CPNE8: variants seen among roughly 807,000 people sequenced by gnomAD.
The protein encoded by CPNE8 is copine 8, also known as copine-8.
CPNE8 carries 45 observed loss-of-function variants against 81.5 expected under a neutral mutation model. That is an observed-to-expected ratio of 0.55 (90% CI 0.44 to 0.71). The LOEUF is 0.71. Ranked by LOEUF, CPNE8 falls within the 30% of genes least tolerant of loss-of-function variation. CPNE8 has a pLI of 0.00. For synonymous variants in CPNE8, 252 were observed against 226.3 expected (o/e 1.11, Z -1.02); for missense variants, 594 against 672.1 (o/e 0.88, Z 1.28).
intron 10 of CPNE8, among the ~76,000 whole-genome samples, chr12:38,742,100 G>A (rs2136796950): frequency 6.6e-6 from 1 of 152,282 alleles, no homozygotes; most frequent in East Asian, 1.9e-4. Flanking sequence ...TCCAACCATT[G>A]TGGAAATCAG....
At chr12:38,769,847 A>G (rs1941765422) in intron 7 of CPNE8, among the ~76,000 whole-genome samples, 1 of 152,212 alleles carries the variant, frequency 6.6e-6, no homozygotes, top group African/African-American at 2.4e-5. Flanking sequence ...GGCTTGCAAA[A>G]TGAATAACTG....
intron 6 of CPNE8, among the ~76,000 whole-genome samples, chr12:38,828,490 A>C (rs915230219): frequency 1.3e-5 from 2 of 152,176 alleles, no homozygotes; most frequent in Non-Finnish European, 1.5e-5. Flanking sequence ...ATAGCAATGA[A>C]CACACTAAAT....
At chr12:38,667,050 C>A (rs1317100822) in intron 19 of CPNE8, among the ~76,000 whole-genome samples, 1 of 152,066 alleles carries the variant, frequency 6.6e-6, no homozygotes, top group Non-Finnish European at 1.5e-5. Flanking sequence ...ACTAATAAAA[C>A]CCTATCTACT....
At chr12:38,703,567 C>T (rs1019797495) in intron 13 of CPNE8, among the ~76,000 whole-genome samples, 3 of 152,154 alleles carry the variant, frequency 2.0e-5, no homozygotes, top group Non-Finnish European at 2.9e-5. Flanking sequence ...TGCCCACTCT[C>T]ACCACTCCTA....
At chr12:38,748,079 C>T (rs1184151850) in intron 10 of CPNE8, among the ~76,000 whole-genome samples, 3 of 152,078 alleles carry the variant, frequency 2.0e-5, no homozygotes, top group Non-Finnish European at 4.4e-5. Flanking sequence ...GGCGCGATCT[C>T]GGCTCACTTA....
chr12:38,740,917 G>A (rs1030448555), intron 10 of CPNE8, among the ~76,000 whole-genome samples: 2 of 152,094 alleles, frequency 1.3e-5, no homozygotes, highest in African/African-American at 4.8e-5. Flanking sequence ...AATGAGTTAG[G>A]GAGGATTTCC....
At chr12:38,805,662 A>T (rs1229518417) in intron 6 of CPNE8, among the ~76,000 whole-genome samples, 1 of 22,064 alleles carries the variant, frequency 4.5e-5, no homozygotes, top group Non-Finnish European at 1.9e-4. Flanking sequence ...AGAGTATAAT[A>T]AAAAAAAAAA....
At chr12:38,894,787 T>C (rs908031957) in intron 1 of CPNE8, among the ~76,000 whole-genome samples, 4 of 151,558 alleles carry the variant, frequency 2.6e-5, no homozygotes, top group African/African-American at 9.7e-5. Context: ...TTACTTTCAA[T>C]TACCAAAAAA....
At chr12:38,750,221 G>T (rs1941324942) in intron 10 of CPNE8, among the ~76,000 whole-genome samples, 1 of 152,200 alleles carries the variant, frequency 6.6e-6, no homozygotes, top group South Asian at 2.1e-4. Flanking sequence ...GGGAACCTCT[G>T]CTTAGATTTC....
intron 6 of CPNE8, among the ~76,000 whole-genome samples, chr12:38,825,199 A>T (rs1943169350): frequency 6.6e-6 from 1 of 152,178 alleles, no homozygotes; most frequent in African/African-American, 2.4e-5. Flanking sequence ...TGTGTTTGTC[A>T]CCAAGCTTCC....
intron 10 of CPNE8, among the ~76,000 whole-genome samples, chr12:38,740,411 C>A (rs1227205295): frequency 1.3e-5 from 2 of 152,154 alleles, no homozygotes; most frequent in African/African-American, 4.8e-5. Flanking sequence ...ATTGCCGTGG[C>A]CAGAACTTCC....
At chr12:38,829,835 G>A (rs755791457) in intron 5 of CPNE8, among the ~76,000 whole-genome samples, 1 of 152,134 alleles carries the variant, frequency 6.6e-6, no homozygotes. Flanking sequence ...CACAGCAGAG[G>A]TGGCTAATCC....
At chr12:38,785,348 A>G (rs1481180483) in intron 6 of CPNE8, among the ~76,000 whole-genome samples, 1 of 151,358 alleles carries the variant, frequency 6.6e-6, no homozygotes, top group African/African-American at 2.5e-5. Flanking sequence ...AGACTAAAAA[A>G]TTAACCAATA....
intron 10 of CPNE8, among the ~76,000 whole-genome samples, chr12:38,750,922 C>A (rs1224306751): frequency 1.3e-5 from 2 of 152,176 alleles, no homozygotes; most frequent in African/African-American, 4.8e-5. Flanking sequence ...CCACCCAAAT[C>A]TCATCTTGAA....
chr12:38,812,387 G>A (rs1283608690), intron 6 of CPNE8, among the ~76,000 whole-genome samples: 1 of 152,178 alleles, frequency 6.6e-6, no homozygotes, highest in Non-Finnish European at 1.5e-5. Context: ...GGCTGGAGAG[G>A]CCTCAGAAAA....
intron 10 of CPNE8, among the ~76,000 whole-genome samples, chr12:38,758,355 C>T (rs826844): frequency 0.12 from 17,602 of 146,384 alleles, 1,258 homozygotes; most frequent in East Asian, 0.26. Context: ...AGACAATATA[C>T]AATTTCAGAT....
intron 6 of CPNE8, among the ~76,000 whole-genome samples, chr12:38,825,020 T>C (rs539886403): frequency 2.6e-5 from 4 of 152,172 alleles, no homozygotes; most frequent in Non-Finnish European, 4.4e-5. Context: ...CAGGGCAGGT[T>C]CACACAGCAA....
At chr12:38,882,659 C>T (rs887500738) in intron 1 of CPNE8, among the ~76,000 whole-genome samples, 5 of 152,092 alleles carry the variant, frequency 3.3e-5, no homozygotes, top group South Asian at 2.1e-4. Flanking sequence ...CTACTGTAAA[C>T]GCTTGAGCAA....
At chr12:38,753,968 A>G (rs552197471) in intron 10 of CPNE8, among the ~76,000 whole-genome samples, 1 of 152,334 alleles carries the variant, frequency 6.6e-6, no homozygotes, top group Admixed American at 6.5e-5. Flanking sequence ...AGAGACGATT[A>G]CTGTGATATG....
Sources: allele counts gnomAD v4.1 joint callset (sites outside exome capture counted in the v4.1 genomes callset), GRCh38; gene constraint gnomAD v4.1.1; transcripts MANE v1.5; gene names NCBI Gene and HGNC (gene_info 2026-07-23, HGNC 2026-07-21).